Variants in RORA observed in about 807,000 individuals in gnomAD.
The protein encoded by RORA is nuclear receptor ROR-alpha.
Under a neutral mutation model 69.5 loss-of-function variants are expected in RORA, and 7 were observed. The ratio of observed to expected loss-of-function variants is 0.10; its 90% confidence interval spans 0.06 to 0.19. RORA has a LOEUF of 0.19. Ranked by LOEUF, RORA falls within the 10% of genes least tolerant of loss-of-function variation. The probability of loss-of-function intolerance (pLI) is 1.00; values close to 1 mark genes in which losing one functional copy is unlikely to be tolerated. For synonymous variants in RORA, 261 were observed against 240.8 expected (o/e 1.08, Z -0.78); for missense variants, 457 against 663.0 (o/e 0.69, Z 3.41).
At chr15:61,024,068 C>T (rs983468656) in intron 1 of RORA, among the ~76,000 whole-genome samples, 8 of 151,948 alleles carry the variant, frequency 5.3e-5, no homozygotes, top group East Asian at 3.9e-4. Context: ...ATAAAGGCCA[C>T]GGCATACTTC....
chr15:61,082,639 T>C (rs62005655), intron 1 of RORA, among the ~76,000 whole-genome samples: 1,716 of 152,190 alleles, frequency 0.011, 18 homozygotes, highest in Middle Eastern at 0.051. Context: ...GTCGAAGCAA[T>C]CCCCATGAAC....
intron 1 of RORA, among the ~76,000 whole-genome samples, chr15:61,206,359 G>A (rs2079941560): frequency 6.6e-6 from 1 of 152,128 alleles, no homozygotes; most frequent in South Asian, 2.1e-4. Flanking sequence ...TTTGTTGAAT[G>A]GAAAGTATTT....
intron 1 of RORA, among the ~76,000 whole-genome samples, chr15:61,116,214 G>T (rs1167417713): frequency 6.6e-6 from 1 of 152,192 alleles, no homozygotes; most frequent in Non-Finnish European, 1.5e-5. Context: ...GATGGCATTG[G>T]AATGAAGACG....
intron 1 of RORA, among the ~76,000 whole-genome samples, chr15:60,788,871 T>C (rs341457): frequency 9.8e-4 from 150 of 152,370 alleles, no homozygotes; most frequent in African/African-American, 3.5e-3. Flanking sequence ...TCACTGTATC[T>C]GCAGTCAGAT....
At chr15:60,662,908 C>T (rs1447830359) in intron 2 of RORA, among the ~76,000 whole-genome samples, 1 of 152,168 alleles carries the variant, frequency 6.6e-6, no homozygotes. Flanking sequence ...GCCAGTGGCT[C>T]ATAGCTGAAT....
chr15:60,757,192 A>G (rs1256274793), intron 1 of RORA, among the ~76,000 whole-genome samples: 1 of 152,162 alleles, frequency 6.6e-6, no homozygotes, highest in Non-Finnish European at 1.5e-5. Flanking sequence ...CCTTGCCCTT[A>G]CCATCTTTGC....
intron 1 of RORA, among the ~76,000 whole-genome samples, chr15:60,838,899 T>C (rs1280792877): frequency 6.7e-6 from 1 of 148,960 alleles, no homozygotes; most frequent in Non-Finnish European, 1.5e-5. Context: ...TATACTTTTT[T>C]TTTTTTTCAG....
intron 2 of RORA, among the ~76,000 whole-genome samples, chr15:60,612,416 G>A (rs776272708): frequency 2.6e-5 from 4 of 152,010 alleles, no homozygotes; most frequent in Admixed American, 6.6e-5. Flanking sequence ...AACTAACCCC[G>A]GGCAGAAACT....
At chr15:60,926,749 G>A (rs1470774825) in intron 1 of RORA, among the ~76,000 whole-genome samples, 3 of 152,154 alleles carry the variant, frequency 2.0e-5, no homozygotes, top group Non-Finnish European at 4.4e-5. Context: ...ACTGATGAAT[G>A]AAATATCCCG....
intron 1 of RORA, among the ~76,000 whole-genome samples, chr15:60,782,736 T>C (rs189166186): frequency 8.5e-5 from 13 of 152,296 alleles, no homozygotes; most frequent in Admixed American, 3.3e-4. Flanking sequence ...TAAGTGAACA[T>C]GTGGGAAAAT....
In RORA at chr15:60,645,576, A is replaced by T. The variant is rs963514712; in HGVS notation, c.196+33081T>A. Among the ~76,000 whole-genome samples the T allele has an allele frequency of 3.9e-5, 6 of 152,114 alleles. No individual in the cohort carries two copies. The East Asian group carries it at 1.2e-3, about 29-fold the overall frequency. The stretch of plus-strand genomic sequence containing the variant: ...CTGGCTAATTTTTGTATTTTTTTGT[A>T]AAGACGGGGTTTCACCGTGTTGCCC... On this transcript the variant is annotated intron_variant, in intron 2 of 10. Coordinates refer to ENST00000335670, the MANE Select transcript of RORA (RefSeq NM_134261.3).
At chr15:60,742,147 T>C (rs925986782) in intron 1 of RORA, among the ~76,000 whole-genome samples, 1 of 152,140 alleles carries the variant, frequency 6.6e-6, no homozygotes, top group Admixed American at 6.5e-5. Context: ...GTATTGGGAG[T>C]TATTATCTTC....
chr15:60,883,600 G>C (rs1318942123), intron 1 of RORA, among the ~76,000 whole-genome samples: 1 of 152,136 alleles, frequency 6.6e-6, no homozygotes, highest in East Asian at 1.9e-4. Flanking sequence ...AATAATTATT[G>C]TTGAATGATT....
chr15:60,718,488 A>G (rs2071248951), intron 1 of RORA, among the ~76,000 whole-genome samples: 1 of 152,218 alleles, frequency 6.6e-6, no homozygotes, highest in Non-Finnish European at 1.5e-5. Flanking sequence ...AAAACACTCT[A>G]TAAGAAGGTT....
intron 1 of RORA, among the ~76,000 whole-genome samples, chr15:60,980,760 TTTTA>T (rs1186765742): frequency 6.6e-6 from 1 of 152,072 alleles, no homozygotes; most frequent in Non-Finnish European, 1.5e-5. Context: ...TACTACTTTC[TTTTA>T]TTTCTCTTCA....
chr15:60,808,859 T>C lies in RORA; in HGVS notation c.167-130173A>G, dbSNP rs544198067. On this transcript the variant is annotated intron_variant, in intron 1 of 10. Transcript: ENST00000335670. ...GGTGTTTGCAGCAACGTGGAAGGAATTGGTATTTGCAGCAACCTGGAAGGA... is the reference window on the plus strand; with the variant it reads ...GGTGTTTGCAGCAACGTGGAAGGAACTGGTATTTGCAGCAACCTGGAAGGA... 8.6e-5 allele frequency among the ~76,000 whole-genome samples: 13 copies of C among 152,014 alleles called. No homozygotes were observed. In the East Asian group the frequency reaches 1.9e-3, roughly 23 times the overall value.
At chr15:60,944,786 G>C (rs536183030) in intron 1 of RORA, among the ~76,000 whole-genome samples, 2 of 150,690 alleles carry the variant, frequency 1.3e-5, no homozygotes, top group African/African-American at 2.4e-5. Flanking sequence ...TCCAATAATC[G>C]TCCCTGCAGA....
intron 1 of RORA, among the ~76,000 whole-genome samples, chr15:60,729,091 C>T (rs1414412254): frequency 6.6e-6 from 1 of 152,046 alleles, no homozygotes; most frequent in African/African-American, 2.4e-5. Flanking sequence ...TAGGAAAGGC[C>T]GAAGCTGATG....
chr15:60,628,731 G>C (rs1343946352), intron 2 of RORA, among the ~76,000 whole-genome samples: 10 of 152,148 alleles, frequency 6.6e-5, no homozygotes, highest in African/African-American at 2.4e-4. Flanking sequence ...TGATGCCCTT[G>C]GAGAGGTGAA....
Sources: allele counts gnomAD v4.1 joint callset (sites outside exome capture counted in the v4.1 genomes callset), GRCh38; gene constraint gnomAD v4.1.1; transcripts MANE v1.5; gene names NCBI Gene and HGNC (gene_info 2026-07-23, HGNC 2026-07-21).